The following SPIRE1 variants were observed in gnomAD, a reference collection of about 807,000 sequenced individuals.
SPIRE1 encodes the protein spire type actin nucleation factor 1.
In SPIRE1, 40 loss-of-function variants were observed where a neutral mutation model predicts 94.1. The observed-to-expected ratio is 0.43, with a 90% CI of 0.33 to 0.55. The LOEUF (loss-of-function observed/expected upper bound fraction) is 0.55. Ranked by LOEUF, SPIRE1 falls within the 20% of genes least tolerant of loss-of-function variation. The probability of loss-of-function intolerance (pLI) is 0.06; values close to 1 mark genes in which losing one functional copy is unlikely to be tolerated. For missense variants in SPIRE1, 838 were observed against 975.2 expected (o/e 0.86, Z 1.87); for synonymous variants, 376 against 371.7 (o/e 1.01, Z -0.13).
In SPIRE1 at chr18:12,609,511, T is replaced by C. The variant is rs958465943; in HGVS notation, c.372+25551A>G. Among the ~76,000 whole-genome samples, 3 of 152,212 alleles carry C rather than the reference T, an allele frequency of 2.0e-5. No individual in the cohort carries two copies. The East Asian group carries it at 5.8e-4, about 29-fold the overall frequency. On this transcript the variant is annotated intron_variant, in intron 2 of 16. Coordinates refer to ENST00000409402, the MANE Select transcript of SPIRE1 (RefSeq NM_001128626.2). ...TGTCTTCCGTTTTCCCAGCCATTTC[T>C]CCTTTTCATTACCCTGGTAAGAAAG... is the stretch of plus-strand genomic sequence containing the variant.
intron 6 of SPIRE1, among the ~76,000 whole-genome samples, chr18:12,503,218 C>T (rs1391564879): frequency 6.6e-6 from 1 of 152,124 alleles, no homozygotes; most frequent in Non-Finnish European, 1.5e-5. Context: ...TGTTTGCTCA[C>T]TGTCACTACT....
At chr18:12,539,930 A>AT (rs1227035478) in intron 3 of SPIRE1, among the ~76,000 whole-genome samples, 9 of 151,416 alleles carry the variant, frequency 5.9e-5, no homozygotes, top group Non-Finnish European at 1.2e-4. Flanking sequence ...CTGTCTTAAA[A>AT]AAAAAAAAAA....
At chr18:12,461,426 GTGTA>G (rs202021771) in intron 12 of SPIRE1, among the ~76,000 whole-genome samples, 31 of 71,204 alleles carry the variant, frequency 4.4e-4, no homozygotes, top group Non-Finnish European at 9.1e-4. Context: ...GTGTGTGTGT[GTGTA>G]TGTATGTATA....
chr18:12,605,261 G>A (rs1022937274), intron 2 of SPIRE1, among the ~76,000 whole-genome samples: 20 of 152,052 alleles, frequency 1.3e-4, no homozygotes, highest in African/African-American at 4.8e-4. Flanking sequence ...GCTCACGCCT[G>A]TAATCCCAGC....
chr18:12,534,445 G>T (rs2034780243), intron 4 of SPIRE1, among the ~76,000 whole-genome samples: 1 of 152,166 alleles, frequency 6.6e-6, no homozygotes, highest in Non-Finnish European at 1.5e-5. Flanking sequence ...AACTGGCAAA[G>T]CATTATTTTT....
At chr18:12,483,757 AGTTT>A (rs1301117642) in intron 9 of SPIRE1, among the ~76,000 whole-genome samples, 1 of 152,172 alleles carries the variant, frequency 6.6e-6, no homozygotes. Flanking sequence ...GTTTCTCACT[AGTTT>A]GTTCATTTTC....
At chr18:12,658,261 G>A (rs770725916), upstream of SPIRE1, 2 of 460,910 alleles carry the variant, frequency 4.3e-6, no homozygotes, top group African/African-American at 2.1e-5. Flanking sequence ...ACGGTCTCTA[G>A]CCCGCAGGGC....
chr18:12,615,345 A>AAAAAAAAAAAAAAAAAATATATATATAT, intron 2 of SPIRE1, among the ~76,000 whole-genome samples: 3 of 17,238 alleles, frequency 1.7e-4, no homozygotes, highest in Non-Finnish European at 5.6e-4. Context: ...AAAAAAAAAA[A>AAAAAAAAAAAAAAAAAATATATATATAT]ATATATATAT....
chr18:12,593,401 G>A (rs571803656), intron 2 of SPIRE1, among the ~76,000 whole-genome samples: 1 of 152,228 alleles, frequency 6.6e-6, no homozygotes, highest in East Asian at 1.9e-4. Context: ...AACATTTTAT[G>A]TTCTATAAAG....
At chr18:12,570,750 TG>T (rs2035942074) in intron 2 of SPIRE1, among the ~76,000 whole-genome samples, 1 of 152,206 alleles carries the variant, frequency 6.6e-6, no homozygotes, top group African/African-American at 2.4e-5. Context: ...TCTCCTACTC[TG>T]CCATGCTTGG....
chr18:12,655,117 C>T (rs780401983), intron 1 of SPIRE1, among the ~76,000 whole-genome samples: 47 of 151,390 alleles, frequency 3.1e-4, no homozygotes, highest in Non-Finnish European at 5.6e-4. Flanking sequence ...CTTTAGCAGG[C>T]CAAGGCAGTT....
intron 1 of SPIRE1, among the ~76,000 whole-genome samples, chr18:12,648,890 C>CAAAAAA (rs56696562): frequency 8.9e-4 from 76 of 85,354 alleles, no homozygotes; most frequent in Admixed American, 1.7e-3. Context: ...AACTCCGTCT[C>CAAAAAA]AAAAAAAAAA....
At chr18:12,503,994 C>T (rs1485470831) in intron 6 of SPIRE1, among the ~76,000 whole-genome samples, 1 of 147,262 alleles carries the variant, frequency 6.8e-6, no homozygotes, top group Non-Finnish European at 1.5e-5. Context: ...GCACAGAGCA[C>T]TGGGGTCAGA....
chr18:12,526,913 T>G (rs2034539336), intron 4 of SPIRE1, among the ~76,000 whole-genome samples: 2 of 152,164 alleles, frequency 1.3e-5, no homozygotes, highest in African/African-American at 4.8e-5. Context: ...TTTCACCATG[T>G]TGGCCAGGAT....
At chr18:12,650,109 T>C (rs370916214) in intron 1 of SPIRE1, among the ~76,000 whole-genome samples, 3 of 152,054 alleles carry the variant, frequency 2.0e-5, no homozygotes. Context: ...CGCAGCGGCA[T>C]GTGCATGTAA....
chr18:12,581,370 G>C (rs2036251883), intron 2 of SPIRE1, among the ~76,000 whole-genome samples: 1 of 151,948 alleles, frequency 6.6e-6, no homozygotes, highest in Non-Finnish European at 1.5e-5. Flanking sequence ...CATTAATTAA[G>C]GTTTCACGCT....
At chr18:12,583,776 A>C (rs1167654381) in intron 2 of SPIRE1, among the ~76,000 whole-genome samples, 1 of 151,286 alleles carries the variant, frequency 6.6e-6, no homozygotes, top group Non-Finnish European at 1.5e-5. Context: ...TACAAAAAAA[A>C]GTGCTGGGCG....
intron 2 of SPIRE1, among the ~76,000 whole-genome samples, chr18:12,580,459 GGTTACA>G (rs2036226059): frequency 6.6e-6 from 1 of 151,782 alleles, no homozygotes; most frequent in African/African-American, 2.4e-5. Context: ...AAGTAGCTGG[GGTTACA>G]GGTGTGCACC....
At chr18:12,567,860 A>G (rs959817891) in intron 2 of SPIRE1, among the ~76,000 whole-genome samples, 5 of 152,232 alleles carry the variant, frequency 3.3e-5, no homozygotes, top group Admixed American at 3.3e-4. Flanking sequence ...ATACAAATCA[A>G]GTAAGAATTT....
Sources: gnomAD v4.1 joint callset for allele counts (sites outside exome capture counted in the v4.1 genomes callset) on GRCh38, gnomAD v4.1.1 for gene constraint, MANE v1.5 for transcripts, NCBI Gene and HGNC (gene_info 2026-07-23, HGNC 2026-07-21) for gene names.